BLNK: variants seen among roughly 807,000 people sequenced by gnomAD.
The protein encoded by BLNK is B cell linker.
Under a neutral mutation model 73.5 loss-of-function variants are expected in BLNK, and 29 were observed. That is an observed-to-expected ratio of 0.39 (90% confidence interval 0.29 to 0.54). The LOEUF (loss-of-function observed/expected upper bound fraction) is 0.54, where lower values mean the gene tolerates loss of function less well. Ranked by LOEUF, BLNK falls within the 20% of genes least tolerant of loss-of-function variation. The pLI is 0.61. For synonymous variants in BLNK, 176 were observed against 200.8 expected, an observed-to-expected ratio of 0.88 and a Z score of 1.04; for missense variants, 460 against 562.8, an observed-to-expected ratio of 0.82 and a Z score of 1.85.
intron 3 of BLNK, among the ~76,000 whole-genome samples, chr10:96,240,392 C>G (rs1364072496): frequency 2.6e-5 from 4 of 151,998 alleles, no homozygotes; most frequent in African/African-American, 9.7e-5. Flanking sequence ...TTTGAAGTTG[C>G]ACAGGACAAC....
intron 3 of BLNK, among the ~76,000 whole-genome samples, chr10:96,232,117 G>A (rs899593422): frequency 5.3e-5 from 8 of 152,292 alleles, no homozygotes; most frequent in Admixed American, 3.9e-4. Flanking sequence ...GAGGTTAAAT[G>A]GGATTCACTC....
chr10:96,241,237 G>A (rs191647175), intron 3 of BLNK, among the ~76,000 whole-genome samples: 2 of 152,320 alleles, frequency 1.3e-5, no homozygotes, highest in Non-Finnish European at 2.9e-5. Flanking sequence ...CATCATTTAA[G>A]GTTATGGTTT....
chr10:96,219,601 C>A (rs2084148082), intron 6 of BLNK, among the ~76,000 whole-genome samples: 2 of 152,220 alleles, frequency 1.3e-5, no homozygotes, highest in African/African-American at 4.8e-5. Flanking sequence ...AAAATGTATT[C>A]TTTCCTCTGT....
chr10:96,218,650 C>T (rs1157270891), intron 6 of BLNK, among the ~76,000 whole-genome samples: 1 of 149,066 alleles, frequency 6.7e-6, no homozygotes, highest in Non-Finnish European at 1.5e-5. Flanking sequence ...GTTGTGATTG[C>T]GCTTGGCAAC....
At position 96,189,834 on chromosome 10, in the gene BLNK, C is replaced by A. The variant is rs2083301184; in HGVS notation, c.*2139G>T. ...ATCCTTAAGAGTTTCACATCCTCCT[C>A]CTCTTCATCTTCTGACTCTGCATCT... On this transcript the variant is annotated 3_prime_UTR_variant, in exon 17 of 17. Transcript: ENST00000224337. 1 of 1,205,420 alleles carries A rather than the reference C, an allele frequency of 8.3e-7. No homozygotes were observed. The highest frequency in any genetic ancestry group is 1.4e-5 in the African/African-American group (1 of 69,042). 74.7% of individuals were successfully genotyped at this position (1,205,420 alleles called of 1,614,324 possible). A position where few individuals can be genotyped will look rare whatever the true frequency, so the allele number is the denominator to read the frequency against.
intron 4 of BLNK, 54 bp from the exon 5 acceptor site, chr10:96,227,620 C>A (rs1275642591): frequency 1.2e-5 from 20 of 1,611,346 alleles, no homozygotes; most frequent in Non-Finnish European, 1.6e-5. Flanking sequence ...TGCTGCCTGG[C>A]CGTCAGGACC....
chr10:96,235,641 A>C (rs910309836), intron 3 of BLNK, among the ~76,000 whole-genome samples: 6 of 152,238 alleles, frequency 3.9e-5, no homozygotes, highest in Admixed American at 3.9e-4. Context: ...GGGAAAGTTC[A>C]GAGAAAGGTG....
intron 7 of BLNK, chr10:96,216,225 C>T: frequency 4.7e-6 from 1 of 214,870 alleles, no homozygotes; most frequent in Admixed American, 5.2e-5. Context: ...TATCATACTA[C>T]TAAATTTAAA....
At chr10:96,229,654 C>CTCTGTGTGTGTGTG in intron 4 of BLNK, among the ~76,000 whole-genome samples, 1 of 142,666 alleles carries the variant, frequency 7.0e-6, no homozygotes, top group South Asian at 2.3e-4. Flanking sequence ...TTACATGTGG[C>CTCTGTGTGTGTGTG]TGTGTGTGTG....
chr10:96,229,654 C>CTGTGTGTGTG (rs10625497), intron 4 of BLNK, among the ~76,000 whole-genome samples: 13,721 of 142,520 alleles, frequency 0.096, 876 homozygotes, highest in African/African-American at 0.17. Flanking sequence ...TTACATGTGG[C>CTGTGTGTGTG]TGTGTGTGTG....
intron 5 of BLNK, 35 bp downstream of exon 5, chr10:96,227,375 G>C: frequency 1.2e-6 from 2 of 1,607,822 alleles, no homozygotes; most frequent in East Asian, 4.5e-5. Context: ...CATGGGCCTG[G>C]AAGGCCGAGT....
At chr10:96,202,670 T>C (rs1195052588) in intron 13 of BLNK, among the ~76,000 whole-genome samples, 2 of 151,962 alleles carry the variant, frequency 1.3e-5, no homozygotes, top group Non-Finnish European at 2.9e-5. Flanking sequence ...GAAGGATGTA[T>C]TCTAATAGGA....
chr10:96,240,345 G>T (rs1842844647), intron 3 of BLNK, among the ~76,000 whole-genome samples: 2 of 152,194 alleles, frequency 1.3e-5, no homozygotes, highest in Admixed American at 1.3e-4. Context: ...TCCCAGAGAA[G>T]AAACCACTCA....
In BLNK at chr10:96,189,729, A is replaced by ATCT; in HGVS notation, c.*2243_*2244insAGA. 1 of 723,528 alleles carries ATCT rather than the reference A, an allele frequency of 1.4e-6. No homozygotes were observed. The highest frequency in any genetic ancestry group is 2.5e-6 in the Non-Finnish European group (1 of 394,826). 44.8% of individuals were successfully genotyped at this position (723,528 alleles called of 1,614,324 possible). ...CATCATCATCATCATCATCATCATCATCATCTTCATCAGCAGCAAGTTTTA... is the reference window on the plus strand; with the variant it reads ...CATCATCATCATCATCATCATCATCATCTTCATCTTCATCAGCAGCAAGTTTTA... On this transcript the variant is annotated 3_prime_UTR_variant, in exon 17 of 17. Coordinates refer to ENST00000224337, the MANE Select transcript of BLNK (RefSeq NM_013314.4).
At chr10:96,236,304 A>G (rs1159885179) in intron 3 of BLNK, among the ~76,000 whole-genome samples, 1 of 152,164 alleles carries the variant, frequency 6.6e-6, no homozygotes, top group African/African-American at 2.4e-5. Context: ...AGACCGCAGC[A>G]GGACACAGAA....
rs781998086 is a variant in BLNK, at chr10:96,227,518, C to A, written c.253G>T (p.Val85Leu). ...PDEHSDSEMY[V>L]MPAEENADDS... ...TCAGCGTTCTCCTCGGCGGGCATCA[C>A]GTACATCTCTGAGTCCGAGTGCTCA... The change falls in exon 5 of 17, where the codon GTG becomes TTG. Residue 85 changes from valine to leucine, a missense_variant. Physicochemically the swap from Val to Leu is conservative, Grantham distance 32. This residue lies in a region of BLNK where 139 missense variants were observed against 187.3 expected (regional missense o/e 0.74). Coordinates refer to ENST00000224337, the MANE Select transcript of BLNK (RefSeq NM_013314.4). The A allele has an allele frequency of 6.2e-7, 1 of 1,614,220 alleles. No homozygotes were observed. Among genetic ancestry groups the A allele is most frequent in the Non-Finnish European group, 8.5e-7 (1 of 1,180,048 alleles).
chr10:96,268,943 C>T (rs1844141472), intron 1 of BLNK, among the ~76,000 whole-genome samples: 1 of 152,118 alleles, frequency 6.6e-6, no homozygotes, highest in Non-Finnish European at 1.5e-5. Context: ...GGTTAATCAA[C>T]CTTCAGAATT....
chr10:96,250,329 A>G (rs2134102896), intron 1 of BLNK, among the ~76,000 whole-genome samples: 1 of 152,178 alleles, frequency 6.6e-6, no homozygotes, highest in African/African-American at 2.4e-5. Flanking sequence ...AACTATAGAG[A>G]ATCTTCGAGA....
intron 1 of BLNK, among the ~76,000 whole-genome samples, chr10:96,253,925 A>C (rs12783927): frequency 6.6e-6 from 1 of 151,978 alleles, no homozygotes; most frequent in Non-Finnish European, 1.5e-5. Flanking sequence ...GGAGGCTGAG[A>C]CAGGAGAATG....
Sources: gnomAD v4.1 joint callset for allele counts (sites outside exome capture counted in the v4.1 genomes callset) on GRCh38, gnomAD v4.1.1 for gene constraint, gnomAD v4.1.1 regional missense constraint, MANE v1.5 for transcripts, NCBI Gene and HGNC (gene_info 2026-07-23, HGNC 2026-07-21) for gene names.